Variants in PTGFRN observed in about 807,000 individuals in gnomAD.
The protein encoded by PTGFRN is prostaglandin F2 receptor negative regulator.
In PTGFRN, 35 loss-of-function variants were observed where a neutral mutation model predicts 83.2. That is an observed-to-expected ratio of 0.42 (90% CI 0.32 to 0.56). The LOEUF (loss-of-function observed/expected upper bound fraction) is 0.56, where lower values mean the gene tolerates loss of function less well. Ranked by LOEUF, PTGFRN falls within the 20% of genes least tolerant of loss-of-function variation. The pLI is 0.11. For synonymous variants in PTGFRN, 519 were observed against 498.6 expected, an observed-to-expected ratio of 1.04 and a Z score of -0.55; for missense variants, 1,051 against 1,179.5, an observed-to-expected ratio of 0.89 and a Z score of 1.60.
Position 116,988,288 on chromosome 1 carries a change from C to G in PTGFRN, c.*1321C>G, listed in dbSNP as rs957882935. 2.6e-5 allele frequency: 4 copies of G among 152,350 alleles called. No homozygotes were observed. The highest frequency in any genetic ancestry group is 9.7e-5 in the African/African-American group (4 of 41,434). The allele number at this position is 152,350 out of a possible 1,614,324, so 9.4% of individuals were successfully genotyped here. A position where few individuals can be genotyped will look rare whatever the true frequency, so the allele number is the denominator to read the frequency against. ...ATGTGAATGGCCTGTAGAGCAGAGT[C>G]AAGAGCGGTGTGCTTTGCCCGACTG... On this transcript the variant is annotated 3_prime_UTR_variant, in exon 9 of 9. Coordinates refer to ENST00000393203, the MANE Select transcript of PTGFRN (RefSeq NM_020440.4).
chr1:116,916,791 T>C (rs1649416667), intron 1 of PTGFRN, among the ~76,000 whole-genome samples: 1 of 152,060 alleles, frequency 6.6e-6, no homozygotes, highest in Non-Finnish European at 1.5e-5. Flanking sequence ...ATTCAGCAAA[T>C]ATTGAGCAAG....
chr1:116,967,197 G>A lies in PTGFRN; in HGVS notation c.1926G>A (p.Met642Ile), dbSNP rs889608980. The change falls in exon 6 of 9, where the codon ATG (methionine) becomes ATA (isoleucine). Residue 642 changes from methionine to isoleucine, a missense_variant. By Grantham distance (10) the Met-to-Ile change is conservative. Transcript: ENST00000393203. ...AGGAGGATGAGTTCCGCTATCGAAT[G>A]TACCAGACTCAGGTCTCAGACGCAG... ...KVQEDEFRYR[M>I]YQTQVSDAGL... 6 of 1,614,088 alleles carry A rather than the reference G, an allele frequency of 3.7e-6. No individual in the cohort carries two copies. The highest frequency in any genetic ancestry group is 3.3e-5 in the Admixed American group (2 of 60,010).
rs1651406837 is a variant in PTGFRN at position 116,984,570 on chromosome 1, TGTA to T, written c.2168-107_2168-105del. 3.3e-5 allele frequency: 33 copies of T among 991,548 alleles called. No individual in the cohort carries two copies. The South Asian group carries it at 5.1e-4, about 15-fold the overall frequency. The allele number at this position is 991,548 out of a possible 1,614,324, so 61.4% of individuals were successfully genotyped here. On this transcript the variant is annotated intron_variant, in intron 7 of 8. Transcript: ENST00000393203. ...TGAGGATCCAGTGAGACCGAAGGCA[TGTA>T]GTGTTGTGCTTGCCATACGTAGTAA...
intron 6 of PTGFRN, among the ~76,000 whole-genome samples, chr1:116,967,633 C>G (rs574605911): frequency 6.6e-6 from 1 of 152,316 alleles, no homozygotes; most frequent in African/African-American, 2.4e-5. Flanking sequence ...TACTTTCTGT[C>G]TCTATACATT....
At position 116,910,215 on chromosome 1, in the gene PTGFRN, G is replaced by T; in HGVS notation, c.12G>T (p.Leu4=). 1 of 1,462,492 alleles carries T rather than the reference G, an allele frequency of 6.8e-7. No homozygotes were observed. The allele number at this position is 1,462,492 out of a possible 1,614,324, so 90.6% of individuals were successfully genotyped here. The change falls in exon 1 of 9, where the codon CTG becomes CTT. Residue 4 remains leucine, a synonymous_variant. Coordinates refer to ENST00000393203, the MANE Select transcript of PTGFRN (RefSeq NM_020440.4). MGR[L]ASRPLLLALL... is the part of the protein sequence containing the mutation. ...CCCGCCGGGCGAGCATGGGGCGCCT[G>T]GCCTCGAGGCCGCTGCTGCTGGCGC...
chr1:116,955,063 G>A (rs1220071421), intron 4 of PTGFRN, among the ~76,000 whole-genome samples: 4 of 152,206 alleles, frequency 2.6e-5, no homozygotes, highest in Non-Finnish European at 5.9e-5. Flanking sequence ...CACAATACTT[G>A]TTTTTACAAA....
intron 1 of PTGFRN, among the ~76,000 whole-genome samples, chr1:116,928,228 C>A (rs115088181): frequency 0.012 from 1,754 of 152,302 alleles, 42 homozygotes; most frequent in African/African-American, 0.041. Flanking sequence ...GCCTTGTCAT[C>A]ACTTAGTATT....
At chr1:116,979,044 G>A (rs896980431) in intron 7 of PTGFRN, among the ~76,000 whole-genome samples, 2 of 152,110 alleles carry the variant, frequency 1.3e-5, no homozygotes, top group African/African-American at 4.8e-5. Context: ...AAATCAATGT[G>A]CAAAAATCAC....
rs925813308 is a variant in PTGFRN, at chr1:116,989,324, G to A, written c.*2357G>A. On this transcript the variant is annotated 3_prime_UTR_variant, in exon 9 of 9. Coordinates refer to ENST00000393203, the MANE Select transcript of PTGFRN (RefSeq NM_020440.4). ...CCAAGCTGCATGTCACCTGAGGGCT[G>A]GCAGGAAGGGGCGAGAAATCCCAGG... 6.6e-6 allele frequency: 1 copy of A among 152,292 alleles called. No homozygotes were observed. The highest frequency in any genetic ancestry group is 6.5e-5 in the Admixed American group (1 of 15,286). 9.4% of individuals were successfully genotyped at this position (152,292 alleles called of 1,614,324 possible). A position where few individuals can be genotyped will look rare whatever the true frequency, so the allele number is the denominator to read the frequency against.
intron 1 of PTGFRN, among the ~76,000 whole-genome samples, chr1:116,925,050 T>C (rs1360812776): frequency 6.6e-6 from 1 of 152,156 alleles, no homozygotes; most frequent in African/African-American, 2.4e-5. Flanking sequence ...TCATTTGAAC[T>C]CATTAAGTCT....
At position 116,949,314 on chromosome 1, in the gene PTGFRN, A is replaced by G; in HGVS notation, c.955A>G (p.Arg319Gly). ...VRPEVTWSFS[R>G]MPDSTLPGSR... ...GCCCGAGGTGACGTGGTCCTTCAGCAGGATGCCTGACAGCACCCTACCTGG... is the reference window on the plus strand; with the variant it reads ...GCCCGAGGTGACGTGGTCCTTCAGCGGGATGCCTGACAGCACCCTACCTGG... Residue 319 changes from arginine (R) to glycine (G), a missense_variant, in exon 4 of 9, where the codon AGG becomes GGG. Transcript: ENST00000393203. 2 of 1,614,262 alleles carry G rather than the reference A, an allele frequency of 1.2e-6. No homozygotes were observed. Among genetic ancestry groups the G allele is most frequent in the Non-Finnish European group, 1.7e-6 (2 of 1,180,044 alleles).
chr1:116,962,955 A>G lies in PTGFRN; in HGVS notation c.1639+1287A>G, dbSNP rs1390398636. ...ATTCTCAGAGCTAAGGCTGGGAGGT[A>G]GGGGTAAGTTATGTGGTCACCTACT... On this transcript the variant is annotated intron_variant, in intron 5 of 8. Transcript: ENST00000393203. 4.6e-5 allele frequency among the ~76,000 whole-genome samples: 7 copies of G among 152,212 alleles called. No homozygotes were observed. The South Asian group carries it at 1.2e-3, about 27-fold the overall frequency.
At chr1:116,953,399 G>A (rs4503333) in intron 4 of PTGFRN, among the ~76,000 whole-genome samples, 91,271 of 152,092 alleles carry the variant, frequency 0.6, 28,216 homozygotes, top group Admixed American at 0.69. Context: ...GAAGGCAGAA[G>A]TGCACGTGGC....
chr1:116,954,898 G>T (rs1650445504), intron 4 of PTGFRN, among the ~76,000 whole-genome samples: 1 of 152,190 alleles, frequency 6.6e-6, no homozygotes. Context: ...ATAGTGTGGT[G>T]CCTGGCATAT....
rs541725459 is a variant in PTGFRN, at chr1:116,977,626, G to A, written c.2167+3303G>A. Among the ~76,000 whole-genome samples, 397 of 152,246 alleles carry A rather than the reference G, an allele frequency of 2.6e-3. 3 individuals carry two copies. The highest frequency in any genetic ancestry group is 8.6e-3 in the African/African-American group (358 of 41,524). On this transcript the variant is annotated intron_variant, in intron 7 of 8. Transcript: ENST00000393203. The stretch of plus-strand genomic sequence containing the variant: ...CAACCTGCTCCTGAATGACTACTGG[G>A]TACATAATGAAATGAAGACAGAAAT...
intron 1 of PTGFRN, among the ~76,000 whole-genome samples, chr1:116,916,544 T>A (rs1649411374): frequency 6.6e-6 from 1 of 152,152 alleles, no homozygotes; most frequent in Admixed American, 6.5e-5. Context: ...TCACATGGAT[T>A]TCAGGTGGGT....
chr1:116,986,767 CT>C (rs765540189), intron 8 of PTGFRN, 33 bp from the exon 9 acceptor site: 1 of 1,608,448 alleles, frequency 6.2e-7, no homozygotes, highest in East Asian at 2.2e-5. Context: ...CCTCGCAGCA[CT>C]GACTGGCTTC....
intron 6 of PTGFRN, among the ~76,000 whole-genome samples, chr1:116,968,900 C>A (rs1382879662): frequency 1.3e-5 from 2 of 152,112 alleles, no homozygotes; most frequent in Non-Finnish European, 2.9e-5. Context: ...CTTTTCATGG[C>A]TGAATAATAT....
At position 116,945,058 on chromosome 1, in the gene PTGFRN, C is replaced by T. The variant is rs776376962; in HGVS notation, c.798C>T (p.Ala266=). The change falls in exon 3 of 9, where the codon GCC becomes GCT. Residue 266 remains alanine (A), a synonymous_variant. Coordinates refer to ENST00000393203, the MANE Select transcript of PTGFRN (RefSeq NM_020440.4). ...ACTGGCAGGAAATCCAAGAAAAGGC[C>T]GTGGAAGTTGCCACCGTGGTGATCC... ...QGNWQEIQEK[A]VEVATVVIQP... 4 of 1,613,356 alleles carry T rather than the reference C, an allele frequency of 2.5e-6. No individual in the cohort carries two copies. The highest frequency in any genetic ancestry group is 1.7e-4 in the Middle Eastern group (1 of 6,060).
Sources: gnomAD v4.1 joint callset for allele counts (sites outside exome capture counted in the v4.1 genomes callset) on GRCh38, gnomAD v4.1.1 for gene constraint, MANE v1.5 for transcripts, NCBI Gene and HGNC (gene_info 2026-07-23, HGNC 2026-07-21) for gene names.